Variants in RARB observed in about 807,000 individuals in gnomAD.
RARB encodes retinoic acid receptor beta, also known as HBV-activated protein.
RARB carries 17 observed loss-of-function variants against 51.9 expected under a neutral mutation model. The observed-to-expected ratio is 0.33, with a 90% confidence interval of 0.22 to 0.49. The LOEUF (loss-of-function observed/expected upper bound fraction) is 0.49. Among genes scored for constraint, RARB ranks in the 20% least tolerant of loss-of-function variants. The pLI is 0.99. For missense variants in RARB, 369 were observed against 550.8 expected, an observed-to-expected ratio of 0.67 and a Z score of 3.30; for synonymous variants, 215 against 195.4, an observed-to-expected ratio of 1.10 and a Z score of -0.84.
At chr3:25,527,544 A>AGTAC (rs1435461152) in intron 3 of RARB, among the ~76,000 whole-genome samples, 10 of 152,174 alleles carry the variant, frequency 6.6e-5, no homozygotes, top group African/African-American at 2.4e-4. Flanking sequence ...AGTTTCCTTA[A>AGTAC]GTACAAAATG....
chr3:24,923,000 G>T (rs1012097620), intron 2 of RARB, among the ~76,000 whole-genome samples: 1 of 152,098 alleles, frequency 6.6e-6, no homozygotes, highest in African/African-American at 2.4e-5. Context: ...TTTGTTCTTG[G>T]ATTCTTTATT....
Position 25,121,753 on chromosome 3 carries a change from G to GT in RARB, c.-327-10402dup, listed in dbSNP as rs200107991. The stretch of plus-strand genomic sequence containing the variant: ...TAATAGGCTACTCAAAATAATTTAT[G>GT]TTTTTTAAATTTCTACACATTTATT... On this transcript the variant is annotated intron_variant, in intron 3 of 11. Transcript: ENST00000383772. 4.4e-3 allele frequency among the ~76,000 whole-genome samples: 668 copies of GT among 152,122 alleles called. 6 individuals are homozygous for GT. The highest frequency in any genetic ancestry group is 0.015 in the African/African-American group (637 of 41,454).
At chr3:25,495,213 A>G (rs1052550996) in intron 2 of RARB, among the ~76,000 whole-genome samples, 1 of 152,164 alleles carries the variant, frequency 6.6e-6, no homozygotes, top group Non-Finnish European at 1.5e-5. Flanking sequence ...TGTGTGAAGA[A>G]AAAAAATCTA....
At chr3:24,904,080 A>G (rs1314176027) in intron 2 of RARB, among the ~76,000 whole-genome samples, 2 of 152,214 alleles carry the variant, frequency 1.3e-5, no homozygotes, top group Non-Finnish European at 2.9e-5. Flanking sequence ...AACAAATGTT[A>G]ATTTTAGAAA....
chr3:25,047,723 C>G (rs1018250658), intron 2 of RARB, among the ~76,000 whole-genome samples: 12 of 152,166 alleles, frequency 7.9e-5, no homozygotes, highest in African/African-American at 2.9e-4. Context: ...AAATTTGAAC[C>G]TAAGTCCTTT....
At chr3:24,892,389 G>A (rs1427645590) in intron 2 of RARB, among the ~76,000 whole-genome samples, 3 of 152,088 alleles carry the variant, frequency 2.0e-5, no homozygotes, top group Non-Finnish European at 4.4e-5. Flanking sequence ...GCTTAGTCCA[G>A]TTGATGGTAT....
At chr3:25,103,526 C>G (rs928524246) in intron 3 of RARB, among the ~76,000 whole-genome samples, 5 of 152,148 alleles carry the variant, frequency 3.3e-5, no homozygotes, top group African/African-American at 1.2e-4. Flanking sequence ...ATTTTAAAAG[C>G]GTACTAATTC....
At chr3:25,135,365 C>T (rs1322786465) in intron 4 of RARB, among the ~76,000 whole-genome samples, 2 of 151,936 alleles carry the variant, frequency 1.3e-5, no homozygotes, top group African/African-American at 4.8e-5. Context: ...CTTCATATTA[C>T]TTCTATTTCC....
At chr3:25,249,998 T>C (rs1437320982) in intron 5 of RARB, among the ~76,000 whole-genome samples, 4 of 95,946 alleles carry the variant, frequency 4.2e-5, no homozygotes, top group Admixed American at 2.7e-4. Flanking sequence ...TGGGAAGATC[T>C]TCAGGCCCCT....
At chr3:24,920,845 G>C (rs1032654619) in intron 2 of RARB, among the ~76,000 whole-genome samples, 1 of 152,118 alleles carries the variant, frequency 6.6e-6, no homozygotes, top group Non-Finnish European at 1.5e-5. Context: ...TGCATTTATA[G>C]AGCATTCTCA....
chr3:25,404,241 G>C (rs1218428179), intron 5 of RARB, among the ~76,000 whole-genome samples: 1 of 152,070 alleles, frequency 6.6e-6, no homozygotes, highest in Non-Finnish European at 1.5e-5. Context: ...AGCAGTCCTG[G>C]CAAAGCCCTG....
chr3:25,321,055 T>C (rs925494493), intron 5 of RARB, among the ~76,000 whole-genome samples: 3 of 152,344 alleles, frequency 2.0e-5, no homozygotes, highest in Admixed American at 6.5e-5. Context: ...GCACTTTTTT[T>C]CCAAGTGGTA....
chr3:25,382,625 G>A (rs974111997), intron 5 of RARB, among the ~76,000 whole-genome samples: 1 of 152,208 alleles, frequency 6.6e-6, no homozygotes, highest in Non-Finnish European at 1.5e-5. Flanking sequence ...GGAGGCCAAG[G>A]CAGGCGGATC....
At chr3:25,121,078 G>A (rs747197420) in intron 3 of RARB, among the ~76,000 whole-genome samples, 12 of 152,140 alleles carry the variant, frequency 7.9e-5, no homozygotes, top group Non-Finnish European at 1.6e-4. Flanking sequence ...GAATTCACAT[G>A]CATGTGTATA....
intron 3 of RARB, among the ~76,000 whole-genome samples, chr3:25,526,577 A>G (rs1320142719): frequency 2.0e-5 from 3 of 152,198 alleles, no homozygotes; most frequent in African/African-American, 7.2e-5. Context: ...AAGAGAAGTG[A>G]ATGGATTTTG....
At chr3:25,366,077 G>A (rs1018712159) in intron 5 of RARB, among the ~76,000 whole-genome samples, 25 of 152,156 alleles carry the variant, frequency 1.6e-4, no homozygotes, top group Admixed American at 6.5e-5. Flanking sequence ...TTCCCTATAG[G>A]GATGAGACAC....
At chr3:24,895,579 C>G (rs550536137) in intron 2 of RARB, among the ~76,000 whole-genome samples, 1 of 150,814 alleles carries the variant, frequency 6.6e-6, no homozygotes, top group Non-Finnish European at 1.5e-5. Flanking sequence ...TTTCTATATG[C>G]TAATTATCTT....
chr3:25,466,370 A>G (rs1301506763), intron 2 of RARB, among the ~76,000 whole-genome samples: 3 of 152,032 alleles, frequency 2.0e-5, no homozygotes, highest in Non-Finnish European at 2.9e-5. Context: ...CTAATTTTGT[A>G]TTTTTAGTAG....
intron 5 of RARB, among the ~76,000 whole-genome samples, chr3:25,241,742 T>A (rs148121266): frequency 1.3e-5 from 2 of 152,184 alleles, no homozygotes; most frequent in Non-Finnish European, 2.9e-5. Flanking sequence ...TGGTTCCAAG[T>A]CTTTGCTATT....
Sources: gnomAD v4.1 joint callset for allele counts (sites outside exome capture counted in the v4.1 genomes callset) on GRCh38, gnomAD v4.1.1 for gene constraint, MANE v1.5 for transcripts, NCBI Gene and HGNC (gene_info 2026-07-23, HGNC 2026-07-21) for gene names.